BBS9: variants seen among roughly 807,000 people sequenced by gnomAD.
The protein encoded by BBS9 is protein PTHB1.
Under a neutral mutation model 117.7 loss-of-function variants are expected in BBS9, and 89 were observed. The observed-to-expected ratio is 0.76, with a 90% CI of 0.64 to 0.90. BBS9 has a LOEUF of 0.90. Among genes scored for constraint, BBS9 ranks in the 40% least tolerant of loss-of-function variants. The pLI, the probability that BBS9 is intolerant of heterozygous loss-of-function variation, is 0.00. For missense variants in BBS9, 982 were observed against 1,042.2 expected (o/e 0.94, Z 0.80); for synonymous variants, 379 against 370.9 (o/e 1.02, Z -0.25).
chr7:33,374,800 T>C (rs1322027227), intron 17 of BBS9, among the ~76,000 whole-genome samples: 3 of 150,774 alleles, frequency 2.0e-5, no homozygotes, highest in Admixed American at 6.6e-5. Context: ...ACTTGGGAGG[T>C]TGAAGCAGGA....
At chr7:33,398,586 A>C (rs184379503) in intron 19 of BBS9, among the ~76,000 whole-genome samples, 1 of 152,190 alleles carries the variant, frequency 6.6e-6, no homozygotes, top group African/African-American at 2.4e-5. Flanking sequence ...TGTATTCACT[A>C]TCTGTGTGTG....
chr7:33,553,339 C>T (rs1239672371), intron 21 of BBS9, among the ~76,000 whole-genome samples: 1 of 152,174 alleles, frequency 6.6e-6, no homozygotes, highest in Admixed American at 6.5e-5. Flanking sequence ...TTAGTGTCTG[C>T]CATGTAATGG....
intron 5 of BBS9, among the ~76,000 whole-genome samples, chr7:33,217,245 A>G (rs1314747755): frequency 6.6e-6 from 1 of 152,016 alleles, no homozygotes; most frequent in East Asian, 1.9e-4. Flanking sequence ...GAAATTTGAT[A>G]TAAGAAAATT....
chr7:33,476,174 T>C (rs1311599719), intron 19 of BBS9, among the ~76,000 whole-genome samples: 1 of 152,190 alleles, frequency 6.6e-6, no homozygotes, highest in Non-Finnish European at 1.5e-5. Context: ...ATACAATTGG[T>C]TTTCTATTTT....
At chr7:33,520,213 C>T (rs1283077446) in intron 20 of BBS9, among the ~76,000 whole-genome samples, 1 of 152,034 alleles carries the variant, frequency 6.6e-6, no homozygotes, top group Admixed American at 6.6e-5. Flanking sequence ...GAGGGTTCAC[C>T]GTCTTGGCCA....
At chr7:33,497,613 C>T (rs1279093442) in intron 19 of BBS9, among the ~76,000 whole-genome samples, 3 of 152,088 alleles carry the variant, frequency 2.0e-5, no homozygotes, top group African/African-American at 7.2e-5. Flanking sequence ...AAGTAACAAG[C>T]CTCAGAGGAT....
chr7:33,588,554 C>G (rs1284931874), intron 21 of BBS9, among the ~76,000 whole-genome samples: 1 of 152,044 alleles, frequency 6.6e-6, no homozygotes, highest in African/African-American at 2.4e-5. Flanking sequence ...TTTTGGAACT[C>G]TTATTCTCAC....
rs1017729337 is a variant in BBS9, at chr7:33,223,688, T to G, written c.443-33548T>G. On this transcript the variant is annotated intron_variant, in intron 5 of 22. Transcript: ENST00000242067. ...CTTACACTTTTAAAATTTGTCTTTT[T>G]TTTTTTCACTAGATTATGAGTTACT... 2.6e-5 allele frequency among the ~76,000 whole-genome samples: 4 copies of G among 152,196 alleles called. No homozygotes were observed. The East Asian group carries it at 7.7e-4, about 29-fold the overall frequency.
intron 6 of BBS9, among the ~76,000 whole-genome samples, chr7:33,262,196 T>C (rs1021166498): frequency 1.3e-5 from 2 of 152,156 alleles, no homozygotes; most frequent in African/African-American, 2.4e-5. Context: ...AAATCAGTAG[T>C]CAATTTTGGC....
chr7:33,152,907 T>C, intron 3 of BBS9, 56 bp downstream of exon 3: 1 of 1,553,936 alleles, frequency 6.4e-7, no homozygotes, highest in East Asian at 2.2e-5. Context: ...TCCTTTACAG[T>C]GTCACTTTTG....
chr7:33,436,834 G>A (rs1835373078), intron 19 of BBS9, among the ~76,000 whole-genome samples: 1 of 152,214 alleles, frequency 6.6e-6, no homozygotes, highest in South Asian at 2.1e-4. Context: ...ATAGATGCCA[G>A]ATAAATGTTT....
intron 5 of BBS9, among the ~76,000 whole-genome samples, chr7:33,226,429 C>G (rs1015493848): frequency 3.3e-5 from 5 of 152,094 alleles, no homozygotes; most frequent in African/African-American, 9.7e-5. Context: ...GAAAACTCTT[C>G]TACTTTCAAT....
intron 5 of BBS9, among the ~76,000 whole-genome samples, chr7:33,186,656 CA>C (rs1783184568): frequency 6.6e-6 from 1 of 152,072 alleles, no homozygotes; most frequent in Non-Finnish European, 1.5e-5. Context: ...AAAATTCCTC[CA>C]AAAATTATAA....
intron 20 of BBS9, among the ~76,000 whole-genome samples, chr7:33,526,974 C>A (rs1456934436): frequency 1.3e-5 from 2 of 148,528 alleles, no homozygotes; most frequent in Admixed American, 6.8e-5. Flanking sequence ...ACAGACAGGA[C>A]CCTCAGCTGC....
intron 9 of BBS9, among the ~76,000 whole-genome samples, chr7:33,307,172 A>G (rs1164008532): frequency 1.3e-5 from 2 of 152,178 alleles, no homozygotes; most frequent in Admixed American, 6.5e-5. Flanking sequence ...GTGTATATAC[A>G]GTAACAAAAA....
At chr7:33,627,491 A>T (rs1325413190) in intron 21 of BBS9, among the ~76,000 whole-genome samples, 1 of 152,158 alleles carries the variant, frequency 6.6e-6, no homozygotes. Flanking sequence ...GAAGAGGTCC[A>T]CCATCCTCCA....
chr7:33,179,073 T>G (rs1343468688), intron 5 of BBS9, among the ~76,000 whole-genome samples: 2 of 152,110 alleles, frequency 1.3e-5, no homozygotes, highest in Non-Finnish European at 2.9e-5. Flanking sequence ...TTACTGTTCT[T>G]TGAAAAAATG....
At chr7:33,338,794 G>A (rs929337261) in intron 10 of BBS9, among the ~76,000 whole-genome samples, 8 of 152,146 alleles carry the variant, frequency 5.3e-5, no homozygotes, top group African/African-American at 1.7e-4. Flanking sequence ...ACATCTACTC[G>A]TAGGAACTTT....
chr7:33,190,564 A>G (rs998390773), intron 5 of BBS9, among the ~76,000 whole-genome samples: 3 of 152,196 alleles, frequency 2.0e-5, no homozygotes, highest in Admixed American at 6.5e-5. Context: ...CTTCTCTGTG[A>G]TCAGATCTGG....
Sources: allele counts gnomAD v4.1 joint callset (sites outside exome capture counted in the v4.1 genomes callset), GRCh38; gene constraint gnomAD v4.1.1; transcripts MANE v1.5; gene names NCBI Gene and HGNC (gene_info 2026-07-23, HGNC 2026-07-21).